DENND1C: variants seen among roughly 807,000 people sequenced by gnomAD.
DENND1C encodes the protein DENN domain-containing protein 1C.
A neutral mutation model predicts 87.9 loss-of-function variants in DENND1C; 64 were observed. That is an observed-to-expected ratio of 0.73 (90% CI 0.60 to 0.90). The LOEUF (loss-of-function observed/expected upper bound fraction) is 0.90. Among genes scored for constraint, DENND1C ranks in the 40% least tolerant of loss-of-function variants. DENND1C has a pLI of 0.00. For synonymous variants in DENND1C, 384 were observed against 424.4 expected, an observed-to-expected ratio of 0.90 and a Z score of 1.17; for missense variants, 980 against 1,037.0, an observed-to-expected ratio of 0.95 and a Z score of 0.76.
Position 6,480,005 on chromosome 19 carries a change from G to T in DENND1C, c.64C>A (p.Pro22Thr). The change falls in exon 2 of 23, where the codon CCT becomes ACT. Residue 22 changes from proline to threonine, a missense_variant. By Grantham distance (38) the Pro-to-Thr change is conservative. Transcript: ENST00000381480. ...VFDWFFEAACPASLQEDPPIL... is the reference protein window; with the variant it reads ...VFDWFFEAACTASLQEDPPIL... ...AACTCACCCTCCTGCAGGGAGGCAG[G>T]GCAGGCCGCTTCGAAGAACCAATCA... 6.2e-7 allele frequency: 1 copy of T among 1,610,448 alleles called. No individual in the cohort carries two copies. The highest frequency in any genetic ancestry group is 8.5e-7 in the Non-Finnish European group (1 of 1,178,636).
At chr19:6,472,355 C>G (rs934326604) in intron 15 of DENND1C, among the ~76,000 whole-genome samples, 1 of 152,132 alleles carries the variant, frequency 6.6e-6, no homozygotes, top group African/African-American at 2.4e-5. Context: ...GTCTTGTCCC[C>G]CAGGAACCCA....
intron 15 of DENND1C, among the ~76,000 whole-genome samples, chr19:6,471,940 G>A (rs2092831736): frequency 6.6e-6 from 1 of 152,152 alleles, no homozygotes; most frequent in South Asian, 2.1e-4. Context: ...ACTGTCCCCG[G>A]CCCGGAGCCC....
At chr19:6,477,909 C>CAAAA (rs71174916) in intron 6 of DENND1C, among the ~76,000 whole-genome samples, 1 of 134,426 alleles carries the variant, frequency 7.4e-6, no homozygotes, top group Non-Finnish European at 1.6e-5. Context: ...GTTAAAAGTA[C>CAAAA]AAAAAAAAAA....
Position 6,477,452 on chromosome 19 carries a change from C to CG in DENND1C, c.372dup (p.Glu125ArgfsTer24). ...AGATTTTGAAGAAGTTCCTCTGCCT[C>CG]GGTGACCTGGGTGGGACGTGGAGGG... On this transcript the variant is annotated frameshift_variant, in exon 7 of 23. Coordinates refer to ENST00000381480, the MANE Select transcript of DENND1C (RefSeq NM_024898.4). LOFTEE classifies it high-confidence loss of function. 7.1e-7 allele frequency: 1 copy of CG among 1,413,266 alleles called. No individual in the cohort carries two copies. The highest frequency in any genetic ancestry group is 9.6e-7 in the Non-Finnish European group (1 of 1,039,278). 87.5% of individuals were successfully genotyped at this position (1,413,266 alleles called of 1,614,324 possible). A position where few individuals can be genotyped will look rare whatever the true frequency, so the allele number is the denominator to read the frequency against.
intron 17 of DENND1C, 37 bp from the exon 18 acceptor site, chr19:6,470,403 G>A (rs889454462): frequency 1.3e-6 from 2 of 1,594,738 alleles, no homozygotes; most frequent in Non-Finnish European, 1.7e-6. Context: ...AGAGGCTAGG[G>A]CCAGATCCCA....
intron 1 of DENND1C, 109 bp from the exon 2 acceptor site, chr19:6,480,160 G>A: frequency 6.6e-7 from 1 of 1,515,534 alleles, no homozygotes; most frequent in East Asian, 2.5e-5. Flanking sequence ...AGGTGCGTCG[G>A]CATGTGCATG....
chr19:6,473,667 C>T (rs940748325), intron 14 of DENND1C, among the ~76,000 whole-genome samples: 5 of 151,864 alleles, frequency 3.3e-5, no homozygotes, highest in Admixed American at 1.3e-4. Flanking sequence ...GACAGGGTCT[C>T]ACTGTGTTTC....
intron 18 of DENND1C, chr19:6,469,932 T>C (rs2092818339): frequency 2.1e-6 from 1 of 487,302 alleles, no homozygotes; most frequent in Admixed American, 3.4e-5. Flanking sequence ...ACGGACAATT[T>C]TGAGCTGCAA....
At position 6,468,229 on chromosome 19, in the gene DENND1C, C is replaced by T; in HGVS notation, c.1791+5G>A. 1 of 1,613,164 alleles carries T rather than the reference C, an allele frequency of 6.2e-7. No individual in the cohort carries two copies. The highest frequency in any genetic ancestry group is 2.2e-5 in the East Asian group (1 of 44,860). ...TAGGGTTGGGGGAGTGGGCGAGGCT[C>T]TCACCAGGCTGAAGCAGCTGTCCAG... On this transcript the variant is annotated splice_donor_5th_base_variant and intron_variant, in intron 22 of 22. Transcript: ENST00000381480.
chr19:6,471,230 C>G (rs544788350), intron 17 of DENND1C, 35 bp downstream of exon 17: 2 of 1,562,878 alleles, frequency 1.3e-6, no homozygotes, highest in African/African-American at 1.4e-5. Context: ...CAGGCCTAAG[C>G]CAACGCCCAC....
At chr19:6,479,341 C>G (rs1037881829) in intron 4 of DENND1C, among the ~76,000 whole-genome samples, 3 of 144,976 alleles carry the variant, frequency 2.1e-5, no homozygotes, top group African/African-American at 8.5e-5. Context: ...CCCTGAGTCC[C>G]TGAGTCCCTG....
intron 19 of DENND1C, among the ~76,000 whole-genome samples, chr19:6,469,177 G>A (rs151288904): frequency 0.02 from 3,076 of 152,142 alleles, 44 homozygotes; most frequent in Middle Eastern, 0.044. Context: ...GATTACAGGC[G>A]TGCGCCACCA....
Position 6,472,806 on chromosome 19 carries a change from T to G in DENND1C, c.1158+83A>C, listed in dbSNP as rs150100236. Reference sequence around the variant, plus strand: ...CCCTCAGGGACCCAGGAGTCTGCCCTCAACCCTGCCAGTTCAGACAAGCCC... The same window carrying G: ...CCCTCAGGGACCCAGGAGTCTGCCCGCAACCCTGCCAGTTCAGACAAGCCC... On this transcript the variant is annotated intron_variant, in intron 15 of 22. Transcript: ENST00000381480. 7.3e-6 allele frequency: 9 copies of G among 1,232,722 alleles called. No homozygotes were observed. The East Asian group carries it at 2.6e-4, about 36-fold the overall frequency. 76.4% of individuals were successfully genotyped at this position (1,232,722 alleles called of 1,614,324 possible).
At position 6,467,856 on chromosome 19, in the gene DENND1C, G is replaced by A. The variant is rs2092804441; in HGVS notation, c.2054C>T (p.Pro685Leu). 1 of 1,595,244 alleles carries A rather than the reference G, an allele frequency of 6.3e-7. No homozygotes were observed. Among genetic ancestry groups the A allele is most frequent in the African/African-American group, 1.3e-5 (1 of 74,192 alleles). ...LTEPLILHLT[P>L]SHKAAEDSTA... Reference sequence around the variant, plus strand: ...AGAATCTTCAGCTGCCTTGTGGGAAGGGGTGAGATGAAGAATTAGGGGCTC... The same window carrying A: ...AGAATCTTCAGCTGCCTTGTGGGAAAGGGTGAGATGAAGAATTAGGGGCTC... The change falls in exon 23 of 23, where the codon CCT (proline) becomes CTT (leucine). Residue 685 changes from proline (P) to leucine (L), a missense_variant. Transcript: ENST00000381480.
chr19:6,479,760 C>A, intron 3 of DENND1C, 42 bp from the exon 4 acceptor site: 1 of 1,613,264 alleles, frequency 6.2e-7, no homozygotes, highest in South Asian at 1.1e-5. Context: ...CCACTGAGGT[C>A]GGGCACCACC....
chr19:6,476,882 A>G lies in DENND1C; in HGVS notation c.653T>C (p.Leu218Pro), dbSNP rs942909300. Residue 218 changes from leucine to proline, a missense_variant, in exon 10 of 23, where the codon CTG becomes CCG. Physicochemically the swap from Leu to Pro is moderately conservative, Grantham distance 98 (BLOSUM62 -3). Transcript: ENST00000381480. ...GGTGCTGAGTTTGCTGGCGGTGAGC[A>G]GGACTCTTCTCTCGGCCAGGAGCGC... ...FAALLAERRV[L>P]LTASKLSTLT... is the part of the protein sequence containing the mutation. The G allele has an allele frequency of 7.4e-6, 12 of 1,612,784 alleles. No individual in the cohort carries two copies. The highest frequency in any genetic ancestry group is 1.0e-5 in the Non-Finnish European group (12 of 1,179,748).
chr19:6,480,087 T>C (rs757616070), intron 1 of DENND1C, 36 bp from the exon 2 acceptor site: 3 of 1,583,174 alleles, frequency 1.9e-6, no homozygotes, highest in South Asian at 2.3e-5. Flanking sequence ...GACTTGCTTC[T>C]ATGCATGTGT....
At position 6,478,731 on chromosome 19, in the gene DENND1C, AG is replaced by A; in HGVS notation, c.366+51del. 7 of 1,553,826 alleles carry A rather than the reference AG, an allele frequency of 4.5e-6. No homozygotes were observed. The South Asian group carries it at 5.9e-5, about 13-fold the overall frequency. On this transcript the variant is annotated intron_variant, in intron 6 of 22. Coordinates refer to ENST00000381480, the MANE Select transcript of DENND1C (RefSeq NM_024898.4). Reference sequence around the variant, plus strand: ...CTGAGAGGGAGGGGTTGGGAGGTTGAGGGGGGTGGGGGCTGGGACTCCCACA... The same window carrying A: ...CTGAGAGGGAGGGGTTGGGAGGTTGAGGGGGTGGGGGCTGGGACTCCCACA...
Position 6,480,006 on chromosome 19 carries a change from G to A in DENND1C, c.63C>T (p.Cys21=). ...ACTCACCCTCCTGCAGGGAGGCAGGGCAGGCCGCTTCGAAGAACCAATCAA... is the reference window on the plus strand; with the variant it reads ...ACTCACCCTCCTGCAGGGAGGCAGGACAGGCCGCTTCGAAGAACCAATCAA... ...AVFDWFFEAA[C]PASLQEDPPI... Residue 21 remains cysteine (C), a synonymous_variant, in exon 2 of 23, where the codon TGC becomes TGT. Coordinates refer to ENST00000381480, the MANE Select transcript of DENND1C (RefSeq NM_024898.4). 3 of 1,610,412 alleles carry A rather than the reference G, an allele frequency of 1.9e-6. No homozygotes were observed. The highest frequency in any genetic ancestry group is 1.7e-6 in the Non-Finnish European group (2 of 1,178,618).
Sources: gnomAD v4.1 joint callset for allele counts (sites outside exome capture counted in the v4.1 genomes callset) on GRCh38, gnomAD v4.1.1 for gene constraint, MANE v1.5 for transcripts, NCBI Gene and HGNC (gene_info 2026-07-23, HGNC 2026-07-21) for gene names.